The following RPS6KC1 variants were observed in gnomAD, a reference collection of about 807,000 sequenced individuals.
RPS6KC1 encodes the protein inactive ribosomal protein S6 kinase delta-1.
Under a neutral mutation model 103.8 loss-of-function variants are expected in RPS6KC1, and 54 were observed. The ratio of observed to expected loss-of-function variants is 0.52; its 90% CI spans 0.42 to 0.65. The LOEUF is 0.65. Ranked by LOEUF, RPS6KC1 falls within the 30% of genes least tolerant of loss-of-function variation. The pLI is 0.00. For missense variants in RPS6KC1, 1,151 were observed against 1,253.8 expected (o/e 0.92, Z 1.24); for synonymous variants, 439 against 438.7 (o/e 1.00, Z -0.01).
At chr1:213,216,527 G>A (rs1489114285) in intron 8 of RPS6KC1, among the ~76,000 whole-genome samples, 5 of 152,170 alleles carry the variant, frequency 3.3e-5, no homozygotes, top group African/African-American at 9.7e-5. Flanking sequence ...GGACCTAATA[G>A]ACATCTACAG....
the RPS6KC1 span, among the ~76,000 whole-genome samples, chr1:213,566,607 A>G: frequency 1.3e-5 from 2 of 151,154 alleles, no homozygotes; most frequent in African/African-American, 2.4e-5. Flanking sequence ...CTGTTCTGCA[A>G]TTTGGGTGCT....
the RPS6KC1 span, among the ~76,000 whole-genome samples, chr1:213,388,092 C>T: frequency 6.6e-6 from 1 of 152,386 alleles, no homozygotes; most frequent in South Asian, 2.1e-4. Context: ...TGGGCATTCT[C>T]CTTCCTCTTG....
At chr1:213,251,690 C>T (rs2094549236) in intron 12 of RPS6KC1, among the ~76,000 whole-genome samples, 1 of 151,968 alleles carries the variant, frequency 6.6e-6, no homozygotes, top group Non-Finnish European at 1.5e-5. Context: ...TGTAGATCTG[C>T]ATGCTCAATG....
At chr1:213,153,866 T>C (rs916271753) in intron 6 of RPS6KC1, among the ~76,000 whole-genome samples, 2 of 152,216 alleles carry the variant, frequency 1.3e-5, no homozygotes, top group African/African-American at 4.8e-5. Context: ...GTAAATGTTT[T>C]TTTTTATTTC....
At chr1:213,311,086 G>A in the RPS6KC1 span, among the ~76,000 whole-genome samples, 2 of 152,058 alleles carry the variant, frequency 1.3e-5, no homozygotes, top group African/African-American at 2.4e-5. Flanking sequence ...CGCTGGGGCT[G>A]ACAAGAAATG....
At chr1:213,190,687 T>A (rs1225113230) in intron 8 of RPS6KC1, among the ~76,000 whole-genome samples, 1 of 152,230 alleles carries the variant, frequency 6.6e-6, no homozygotes, top group Non-Finnish European at 1.5e-5. Context: ...TTGCTTTGGT[T>A]GCCTGCGCTT....
the RPS6KC1 span, among the ~76,000 whole-genome samples, chr1:213,280,401 G>A: frequency 6.6e-6 from 1 of 152,120 alleles, no homozygotes; most frequent in African/African-American, 2.4e-5. Context: ...TATAGTGTTG[G>A]GTTTTCTGCT....
At chr1:213,189,774 C>T (rs1164560575) in intron 8 of RPS6KC1, among the ~76,000 whole-genome samples, 1 of 151,638 alleles carries the variant, frequency 6.6e-6, no homozygotes, top group African/African-American at 2.4e-5. Context: ...ACCCATTGTC[C>T]CTTCCCACTT....
At chr1:213,519,150 GAAAT>G in the RPS6KC1 span, among the ~76,000 whole-genome samples, 1 of 152,288 alleles carries the variant, frequency 6.6e-6, no homozygotes, top group East Asian at 1.9e-4. Flanking sequence ...GAACTTAATA[GAAAT>G]CCTTTGACTG....
intron 5 of RPS6KC1, among the ~76,000 whole-genome samples, chr1:213,121,554 G>C (rs1280908948): frequency 6.6e-6 from 1 of 152,030 alleles, no homozygotes; most frequent in Non-Finnish European, 1.5e-5. Context: ...ATTAAATTTA[G>C]CCGTGAAGTT....
the RPS6KC1 span, among the ~76,000 whole-genome samples, chr1:213,700,401 C>T: frequency 1.3e-5 from 2 of 151,856 alleles, no homozygotes; most frequent in Non-Finnish European, 2.9e-5. Flanking sequence ...GCTCCATTGG[C>T]CCATGTGTCT....
chr1:213,535,914 G>A, the RPS6KC1 span, among the ~76,000 whole-genome samples: 1 of 152,166 alleles, frequency 6.6e-6, no homozygotes, highest in Non-Finnish European at 1.5e-5. Flanking sequence ...AGAGCTGGGG[G>A]TGGGGTGATA....
chr1:213,549,869 A>C, the RPS6KC1 span, among the ~76,000 whole-genome samples: 1 of 152,028 alleles, frequency 6.6e-6, no homozygotes, highest in African/African-American at 2.4e-5. Flanking sequence ...ATACTAAAAT[A>C]GGCCCCAAAC....
chr1:213,148,616 A>G (rs2088184845), intron 6 of RPS6KC1, among the ~76,000 whole-genome samples: 1 of 152,154 alleles, frequency 6.6e-6, no homozygotes, highest in South Asian at 2.1e-4. Flanking sequence ...AATATTTATC[A>G]GAGATATTGG....
At chr1:213,084,400 G>A (rs1352141295) in intron 3 of RPS6KC1, among the ~76,000 whole-genome samples, 1 of 152,076 alleles carries the variant, frequency 6.6e-6, no homozygotes, top group African/African-American at 2.4e-5. Context: ...CTCCCTAAGT[G>A]CTGGGATTAC....
At chr1:213,220,588 G>C (rs892813351) in intron 8 of RPS6KC1, among the ~76,000 whole-genome samples, 6 of 152,188 alleles carry the variant, frequency 3.9e-5, no homozygotes, top group Non-Finnish European at 8.8e-5. Context: ...GTCTCCCAAA[G>C]TGCTGGGATT....
At chr1:213,224,297 G>A (rs2093908876) in intron 8 of RPS6KC1, among the ~76,000 whole-genome samples, 1 of 152,182 alleles carries the variant, frequency 6.6e-6, no homozygotes, top group African/African-American at 2.4e-5. Flanking sequence ...TGACAGAAAA[G>A]TGGGAAAAGT....
At chr1:213,672,663 T>C in the RPS6KC1 span, among the ~76,000 whole-genome samples, 1 of 152,228 alleles carries the variant, frequency 6.6e-6, no homozygotes, top group Non-Finnish European at 1.5e-5. Context: ...CATCTAGCCT[T>C]ATCCACTCTG....
At chr1:213,639,393 A>G in the RPS6KC1 span, among the ~76,000 whole-genome samples, 3 of 152,074 alleles carry the variant, frequency 2.0e-5, no homozygotes, top group African/African-American at 7.2e-5. Context: ...GAGAGTATTG[A>G]GAATGGATCT....
Sources: gnomAD v4.1 joint callset for allele counts (sites outside exome capture counted in the v4.1 genomes callset) on GRCh38, gnomAD v4.1.1 for gene constraint, MANE v1.5 for transcripts, NCBI Gene and HGNC (gene_info 2026-07-23, HGNC 2026-07-21) for gene names.